The following MAOA variants were observed in gnomAD, a reference collection of about 807,000 sequenced individuals.
MAOA encodes the protein amine oxidase [flavin-containing] A.
A neutral mutation model predicts 42.0 loss-of-function variants in MAOA; 6 were observed. The ratio of observed to expected loss-of-function variants is 0.14; its 90% CI spans 0.08 to 0.28. The LOEUF (loss-of-function observed/expected upper bound fraction) is 0.28. Ranked by LOEUF, MAOA falls within the 10% of genes least tolerant of loss-of-function variation. MAOA has a pLI of 1.00. For synonymous variants in MAOA, 140 were observed against 154.0 expected (o/e 0.91, Z 0.67); for missense variants, 262 against 422.3 (o/e 0.62, Z 3.33).
At chrX:43,710,561 T>C (rs1486150607) in intron 3 of MAOA, among the ~76,000 whole-genome samples, 2 of 112,491 alleles carry the variant, frequency 1.8e-5, no homozygotes, top group African/African-American at 6.5e-5. Flanking sequence ...AATGTTTTAA[T>C]TAAAAAAATC....
chrX:43,706,804 A>T (rs765494625), intron 3 of MAOA, among the ~76,000 whole-genome samples: 7 of 110,585 alleles, frequency 6.3e-5, no homozygotes, highest in African/African-American at 2.3e-4. Flanking sequence ...ACAGAGAAAG[A>T]TCCTGTCAAA....
At chrX:43,740,444 A>G (rs1283486325) in intron 10 of MAOA, among the ~76,000 whole-genome samples, 4 of 112,101 alleles carry the variant, frequency 3.6e-5, no homozygotes, top group Non-Finnish European at 7.5e-5. Flanking sequence ...AAAAAAAGAA[A>G]AGAATAATTC....
At chrX:43,715,218 A>G (rs918531961) in intron 5 of MAOA, among the ~76,000 whole-genome samples, 1 of 109,606 alleles carries the variant, frequency 9.1e-6, no homozygotes, top group Non-Finnish European at 1.9e-5. Flanking sequence ...TCCAGGAATG[A>G]GCTACACTGG....
intron 2 of MAOA, among the ~76,000 whole-genome samples, chrX:43,684,745 A>AGAATGGC (rs2033471273): frequency 9.0e-6 from 1 of 111,621 alleles, no homozygotes; most frequent in Non-Finnish European, 1.9e-5. Flanking sequence ...GACTAATAAC[A>AGAATGGC]GAATGGCGTA....
chrX:43,675,790 G>C (rs1233251725), intron 1 of MAOA, among the ~76,000 whole-genome samples: 1 of 111,845 alleles, frequency 8.9e-6, no homozygotes, highest in Non-Finnish European at 1.9e-5. Flanking sequence ...CTGTCTGATC[G>C]TTCCTCTGGA....
At chrX:43,706,624 C>CATAAATAAATAAATAA (rs746283353) in intron 3 of MAOA, among the ~76,000 whole-genome samples, 5,304 of 104,802 alleles carry the variant, frequency 0.051, 440 homozygotes, top group African/African-American at 0.18. Context: ...ATCTCTACAA[C>CATAAATAAATAAATAA]ATAAATAAAT....
rs895303455 is a variant in MAOA, at chrX:43,723,363, G to A, written c.504-4810G>A. Among the ~76,000 whole-genome samples, 5 of 111,173 alleles carry A rather than the reference G, an allele frequency of 4.5e-5. No individual in the cohort carries two copies. In the East Asian group the frequency reaches 8.5e-4, roughly 19 times the overall value. On this transcript the variant is annotated intron_variant, in intron 5 of 14. Coordinates refer to ENST00000338702, the MANE Select transcript of MAOA (RefSeq NM_000240.4). ...ATTTGTTTGTGCCCTCTTTTATTGC[G>A]TTGAGAAGTGGTTTGTAGTTCTCCT... is the stretch of plus-strand genomic sequence containing the variant.
At chrX:43,663,647 A>G (rs1467978292) in intron 1 of MAOA, among the ~76,000 whole-genome samples, 1 of 112,173 alleles carries the variant, frequency 8.9e-6, no homozygotes, top group Admixed American at 9.5e-5. Flanking sequence ...ATAGATCTGC[A>G]GTAAACCTTA....
intron 2 of MAOA, 129 bp from the exon 3 acceptor site, chrX:43,693,162 G>T: frequency 1.6e-6 from 1 of 617,707 alleles, no homozygotes; most frequent in Non-Finnish European, 2.6e-6. Context: ...GCCATTTTCA[G>T]TTGCTCTTTA....
chrX:43,710,667 G>A (rs143168676), intron 3 of MAOA, among the ~76,000 whole-genome samples: 7 of 112,074 alleles, frequency 6.2e-5, no homozygotes, highest in African/African-American at 1.9e-4. Flanking sequence ...AGCAAATAAG[G>A]CCTTATAAAC....
chrX:43,684,874 C>CTTTTTTTTTTTTT (rs201207592), intron 2 of MAOA, among the ~76,000 whole-genome samples: 3 of 59,635 alleles, frequency 5.0e-5, no homozygotes, highest in African/African-American at 1.2e-4. Context: ...CTTTTCTTTT[C>CTTTTTTTTTTTTT]TTTTTTTTTT....
intron 1 of MAOA, among the ~76,000 whole-genome samples, chrX:43,665,334 C>T (rs1569188705): frequency 9.0e-6 from 1 of 111,080 alleles, no homozygotes; most frequent in Non-Finnish European, 1.9e-5. Flanking sequence ...CAGGCATTTC[C>T]CAGAAGGAGA....
Position 43,725,507 on chromosome X carries a change from T to G in MAOA, c.504-2666T>G, listed in dbSNP as rs764934337. On this transcript the variant is annotated intron_variant, in intron 5 of 14. Coordinates refer to ENST00000338702, the MANE Select transcript of MAOA (RefSeq NM_000240.4). ...GATTACAACCCCTGCTTTTTTTTTT[T>G]GCTTTCCATCTGGTTGGTAAATATT... Among the ~76,000 whole-genome samples the G allele has an allele frequency of 1.6e-3, 179 of 111,408 alleles. 1 individual carries two copies. The highest frequency in any genetic ancestry group is 5.7e-3 in the African/African-American group (176 of 30,662).
At chrX:43,733,725 A>C (rs748093044) in intron 9 of MAOA, among the ~76,000 whole-genome samples, 2 of 112,233 alleles carry the variant, frequency 1.8e-5, no homozygotes, top group African/African-American at 6.5e-5. Context: ...ACTCATGCAC[A>C]TCATGTCATT....
At position 43,745,565 on chromosome X, in the gene MAOA, A is replaced by C. The variant is rs2033993105; in HGVS notation, c.*1052A>C. On this transcript the variant is annotated 3_prime_UTR_variant, in exon 15 of 15. Coordinates refer to ENST00000338702, the MANE Select transcript of MAOA (RefSeq NM_000240.4). ...CTTAAGTACTGAAATACATATGATA[A>C]ATTTGACTGTTATTTGTTGAGACTA... 1 of 112,062 alleles carries C rather than the reference A, an allele frequency of 8.9e-6. No individual in the cohort carries two copies. Among genetic ancestry groups the C allele is most frequent in the Non-Finnish European group, 1.9e-5 (1 of 53,237 alleles). 9.2% of individuals were successfully genotyped at this position (112,062 alleles called of 1,213,427 possible). A position where few individuals can be genotyped will look rare whatever the true frequency, so the allele number is the denominator to read the frequency against.
At chrX:43,739,759 A>G (rs2033946342) in intron 10 of MAOA, among the ~76,000 whole-genome samples, 1 of 112,235 alleles carries the variant, frequency 8.9e-6, no homozygotes, top group South Asian at 3.6e-4. Context: ...ATTTTAGAGC[A>G]TTTTCAAATG....
intron 2 of MAOA, among the ~76,000 whole-genome samples, chrX:43,692,000 GACAC>G (rs753022851): frequency 2.8e-4 from 18 of 65,009 alleles, no homozygotes; most frequent in African/African-American, 9.4e-4. Context: ...GCACTGTATA[GACAC>G]ACACACACAC....
At chrX:43,724,888 C>T (rs1601945203) in intron 5 of MAOA, among the ~76,000 whole-genome samples, 1 of 111,776 alleles carries the variant, frequency 8.9e-6, no homozygotes, top group East Asian at 2.8e-4. Flanking sequence ...TGTTCTCATT[C>T]GTTTCAAAGA....
Position 43,745,402 on chromosome X carries a change from A to G in MAOA, c.*889A>G, listed in dbSNP as rs1013472819. 1.8e-5 allele frequency: 2 copies of G among 111,792 alleles called. No homozygotes were observed. Among genetic ancestry groups the G allele is most frequent in the African/African-American group, 6.5e-5 (2 of 30,722 alleles). The allele number at this position is 111,792 out of a possible 1,213,427, so 9.2% of individuals were successfully genotyped here. A position where few individuals can be genotyped will look rare whatever the true frequency, so the allele number is the denominator to read the frequency against. ...CCAATGGATCCTTGTCAGTTGTAAC[A>G]TTCTATTTCAACTTCAGGAAAGCAG... On this transcript the variant is annotated 3_prime_UTR_variant, in exon 15 of 15. Coordinates refer to ENST00000338702, the MANE Select transcript of MAOA (RefSeq NM_000240.4).
Sources: gnomAD v4.1 joint callset for allele counts (sites outside exome capture counted in the v4.1 genomes callset) on GRCh38, gnomAD v4.1.1 for gene constraint, MANE v1.5 for transcripts, NCBI Gene and HGNC (gene_info 2026-07-23, HGNC 2026-07-21) for gene names.